ATP11B: variants seen among roughly 807,000 people sequenced by gnomAD.
ATP11B encodes the protein phospholipid-transporting ATPase IF.
A neutral mutation model predicts 157.8 loss-of-function variants in ATP11B; 81 were observed. The ratio of observed to expected loss-of-function variants is 0.51; its 90% CI spans 0.43 to 0.62. The LOEUF is 0.62. ATP11B is among the 20% of genes least tolerant of loss of function. The pLI, the probability that ATP11B is intolerant of heterozygous loss-of-function variation, is 0.00. For missense variants in ATP11B, 1,165 were observed against 1,402.2 expected (o/e 0.83, Z 2.70); for synonymous variants, 451 against 469.4 (o/e 0.96, Z 0.51).
At chr3:182,916,200 G>A (rs1393936387) in intron 29 of ATP11B, 3 of 985,170 alleles carry the variant, frequency 3.0e-6, no homozygotes, top group Non-Finnish European at 3.6e-6. Flanking sequence ...TTTGTGAAAT[G>A]TGTTGGGCAT....
At chr3:182,905,456 T>C (rs1724277473) in intron 28 of ATP11B, among the ~76,000 whole-genome samples, 1 of 152,152 alleles carries the variant, frequency 6.6e-6, no homozygotes, top group South Asian at 2.1e-4. Flanking sequence ...AGGTGAGAAA[T>C]TGGACATACC....
Position 182,902,591 on chromosome 3 carries a change from A to G in ATP11B, c.3318+3819A>G, listed in dbSNP as rs750591725. On this transcript the variant is annotated intron_variant, in intron 28 of 29. Coordinates refer to ENST00000323116, the MANE Select transcript of ATP11B (RefSeq NM_014616.3). The stretch of plus-strand genomic sequence containing the variant: ...GGTAGAGTAGGAGGAGTAGAGCCTC[A>G]TTAACTCTTCTGCATGCTAAAGGTC... 2.6e-5 allele frequency: 33 copies of G among 1,260,296 alleles called. No homozygotes were observed. The African/African-American group carries it at 5.0e-4, about 19-fold the overall frequency. 78.1% of individuals were successfully genotyped at this position (1,260,296 alleles called of 1,614,324 possible). A position where few individuals can be genotyped will look rare whatever the true frequency, so the allele number is the denominator to read the frequency against.
chr3:182,848,997 C>T (rs906970737), intron 10 of ATP11B, among the ~76,000 whole-genome samples: 3 of 152,132 alleles, frequency 2.0e-5, no homozygotes, highest in Non-Finnish European at 4.4e-5. Flanking sequence ...CTGCTTGGGA[C>T]ATCAAAAAGT....
At chr3:182,865,366 T>C in intron 12 of ATP11B, 90 bp from the exon 13 acceptor site, 1 of 1,326,164 alleles carries the variant, frequency 7.5e-7, no homozygotes, top group Non-Finnish European at 1.0e-6. Context: ...TAAACTGGAC[T>C]TCAGGAGAGC....
At chr3:182,861,038 TA>T (rs1720791258) in intron 12 of ATP11B, among the ~76,000 whole-genome samples, 1 of 151,540 alleles carries the variant, frequency 6.6e-6, no homozygotes, top group Non-Finnish European at 1.5e-5. Context: ...AGAATGGGAT[TA>T]GGGGTACAAC....
intron 12 of ATP11B, among the ~76,000 whole-genome samples, chr3:182,862,832 C>T (rs1720946510): frequency 6.7e-6 from 1 of 149,702 alleles, no homozygotes; most frequent in African/African-American, 2.5e-5. Context: ...TTTTTTTTAT[C>T]CTCATGGTGA....
Position 182,866,256 on chromosome 3 carries a change from A to G in ATP11B, c.1444-12A>G. The G allele has an allele frequency of 6.7e-7, 1 of 1,501,050 alleles. No individual in the cohort carries two copies. The highest frequency in any genetic ancestry group is 2.4e-5 in the East Asian group (1 of 40,978). 93.0% of individuals were successfully genotyped at this position (1,501,050 alleles called of 1,614,324 possible). A position where few individuals can be genotyped will look rare whatever the true frequency, so the allele number is the denominator to read the frequency against. On this transcript the variant is annotated splice_polypyrimidine_tract_variant and intron_variant, in intron 13 of 29. Coordinates refer to ENST00000323116, the MANE Select transcript of ATP11B (RefSeq NM_014616.3). Reference sequence around the variant, plus strand: ...GATATTTTTATCATGAATATTAATTACATTTTTACAGATTAAAGAACATGA... The same window carrying G: ...GATATTTTTATCATGAATATTAATTGCATTTTTACAGATTAAAGAACATGA...
intron 10 of ATP11B, among the ~76,000 whole-genome samples, chr3:182,855,227 G>C (rs1720297767): frequency 6.6e-6 from 1 of 152,132 alleles, no homozygotes; most frequent in Non-Finnish European, 1.5e-5. Flanking sequence ...TTACACAATA[G>C]AGAACCCCAG....
At chr3:182,909,776 A>C (rs1228137012) in intron 28 of ATP11B, among the ~76,000 whole-genome samples, 2 of 152,172 alleles carry the variant, frequency 1.3e-5, no homozygotes, top group Non-Finnish European at 2.9e-5. Flanking sequence ...TTTTAAAAGC[A>C]GCTGAGGCTG....
At chr3:182,902,839 T>G (rs1175247311) in intron 28 of ATP11B, among the ~76,000 whole-genome samples, 2 of 152,108 alleles carry the variant, frequency 1.3e-5, no homozygotes, top group Non-Finnish European at 2.9e-5. Flanking sequence ...CTTAACTACC[T>G]TTTCTAGTAC....
intron 1 of ATP11B, among the ~76,000 whole-genome samples, chr3:182,803,064 A>G (rs1716110330): frequency 6.6e-6 from 1 of 152,328 alleles, no homozygotes; most frequent in East Asian, 1.9e-4. Flanking sequence ...AAGTGTTACA[A>G]TGACTATTAT....
chr3:182,878,340 A>G (rs1722190136), intron 19 of ATP11B, among the ~76,000 whole-genome samples: 1 of 152,196 alleles, frequency 6.6e-6, no homozygotes. Context: ...GTGGAGGGAT[A>G]GTTCTCAGCA....
chr3:182,804,077 T>A (rs1716171566), intron 1 of ATP11B, among the ~76,000 whole-genome samples: 1 of 152,184 alleles, frequency 6.6e-6, no homozygotes, highest in African/African-American at 2.4e-5. Context: ...AGTTCTAGAT[T>A]TTGATTAGCT....
intron 7 of ATP11B, 90 bp from the exon 8 acceptor site, chr3:182,841,985 A>AAC: frequency 3.9e-5 from 32 of 828,306 alleles, no homozygotes; most frequent in Non-Finnish European, 5.5e-5. Flanking sequence ...CTCAAAAAAA[A>AAC]AAAAAAAAAA....
intron 19 of ATP11B, among the ~76,000 whole-genome samples, chr3:182,878,642 C>T (rs1289424084): frequency 6.6e-6 from 1 of 152,186 alleles, no homozygotes; most frequent in Non-Finnish European, 1.5e-5. Context: ...CTTGGAGTAG[C>T]ACCTACGTAG....
At chr3:182,889,685 G>T (rs1560116748) in intron 25 of ATP11B, 137 bp downstream of exon 25, 6 of 796,494 alleles carry the variant, frequency 7.5e-6, no homozygotes, top group Non-Finnish European at 1.1e-5. Flanking sequence ...TTTAAATTTT[G>T]TGGTTAAATA....
At chr3:182,863,320 C>T (rs1413306745) in intron 12 of ATP11B, among the ~76,000 whole-genome samples, 1 of 152,050 alleles carries the variant, frequency 6.6e-6, no homozygotes, top group Admixed American at 6.6e-5. Flanking sequence ...CCCATTTTTA[C>T]TTTTCTGAAT....
chr3:182,848,022 A>G (rs962154014), intron 9 of ATP11B, among the ~76,000 whole-genome samples: 4 of 152,146 alleles, frequency 2.6e-5, no homozygotes, highest in Non-Finnish European at 4.4e-5. Flanking sequence ...TATCTCTCCA[A>G]TGGTTATGGA....
intron 12 of ATP11B, 31 bp from the exon 13 acceptor site, chr3:182,865,425 G>C (rs1307580119): frequency 6.2e-7 from 1 of 1,602,752 alleles, no homozygotes. Context: ...GAACACAAAG[G>C]TTTATTTTCT....
Sources: gnomAD v4.1 joint callset for allele counts (sites outside exome capture counted in the v4.1 genomes callset) on GRCh38, gnomAD v4.1.1 for gene constraint, MANE v1.5 for transcripts, NCBI Gene and HGNC (gene_info 2026-07-23, HGNC 2026-07-21) for gene names.